CSMD1: variants seen among roughly 807,000 people sequenced by gnomAD.
CSMD1 encodes the protein CUB and sushi domain-containing protein 1.
Under a neutral mutation model 417.5 loss-of-function variants are expected in CSMD1, and 213 were observed. That is an observed-to-expected ratio of 0.51 (90% confidence interval 0.46 to 0.57). The LOEUF (loss-of-function observed/expected upper bound fraction) is 0.57, where lower values mean the gene tolerates loss of function less well. Ranked by LOEUF, CSMD1 falls within the 20% of genes least tolerant of loss-of-function variation. CSMD1 has a pLI of 0.00. For synonymous variants in CSMD1, 2,862 were observed against 1,736.8 expected (o/e 1.65, Z -16.11); for missense variants, 6,923 against 4,529.7 (o/e 1.53, Z -15.17).
chr8:4,397,879 A>T (rs1003967619), intron 3 of CSMD1, among the ~76,000 whole-genome samples: 2 of 152,170 alleles, frequency 1.3e-5, no homozygotes, highest in Admixed American at 6.5e-5. Flanking sequence ...ATTTTCTTCC[A>T]ATGTTCTAAT....
At chr8:4,980,060 T>A (rs1176568092) in intron 1 of CSMD1, among the ~76,000 whole-genome samples, 16 of 152,108 alleles carry the variant, frequency 1.1e-4, no homozygotes, top group South Asian at 8.3e-4. Context: ...ATAAATAAAT[T>A]AAATAGTTAA....
At chr8:4,505,512 AT>A (rs1802475130) in intron 2 of CSMD1, among the ~76,000 whole-genome samples, 1 of 152,156 alleles carries the variant, frequency 6.6e-6, no homozygotes, top group South Asian at 2.1e-4. Context: ...ATTTAATTTA[AT>A]TTTTCTGATT....
At chr8:4,846,490 T>G (rs537060423) in intron 1 of CSMD1, among the ~76,000 whole-genome samples, 1 of 152,322 alleles carries the variant, frequency 6.6e-6, no homozygotes, top group East Asian at 1.9e-4. Context: ...GTGACCAGCC[T>G]CCTGACAGCA....
intron 39 of CSMD1, among the ~76,000 whole-genome samples, chr8:3,152,534 G>C (rs1054446783): frequency 6.6e-6 from 1 of 152,082 alleles, no homozygotes; most frequent in Non-Finnish European, 1.5e-5. Flanking sequence ...TCATCATCAA[G>C]ACTGAAACAA....
intron 26 of CSMD1, among the ~76,000 whole-genome samples, 187 bp downstream of exon 26, chr8:3,283,957 C>T (rs1802940961): frequency 6.6e-6 from 1 of 152,250 alleles, no homozygotes; most frequent in African/African-American, 2.4e-5. Flanking sequence ...TTATCGTGGC[C>T]TCAGCCATGA....
intron 54 of CSMD1, among the ~76,000 whole-genome samples, chr8:2,994,273 T>C (rs1339780341): frequency 6.6e-6 from 1 of 151,872 alleles, no homozygotes; most frequent in Non-Finnish European, 1.5e-5. Flanking sequence ...GTGTACTGAT[T>C]GCTGATGGTC....
intron 41 of CSMD1, among the ~76,000 whole-genome samples, chr8:3,123,572 T>C (rs1301019771): frequency 6.6e-6 from 1 of 151,872 alleles, no homozygotes; most frequent in East Asian, 1.9e-4. Flanking sequence ...AAATGAGTCC[T>C]ACTGTACAGC....
At chr8:3,129,156 C>T (rs985065875) in intron 41 of CSMD1, among the ~76,000 whole-genome samples, 3 of 151,990 alleles carry the variant, frequency 2.0e-5, no homozygotes, top group Non-Finnish European at 2.9e-5. Context: ...TTCTCTCCTA[C>T]GTGGGAATGC....
At chr8:4,008,389 T>A (rs1816292883) in intron 4 of CSMD1, among the ~76,000 whole-genome samples, 1 of 151,734 alleles carries the variant, frequency 6.6e-6, no homozygotes, top group African/African-American at 2.4e-5. Flanking sequence ...TATCAAAGTT[T>A]TCAGACACTA....
At chr8:3,032,934 A>C (rs10109787) in intron 50 of CSMD1, among the ~76,000 whole-genome samples, 5,196 of 152,216 alleles carry the variant, frequency 0.034, 314 homozygotes, top group African/African-American at 0.12. Context: ...CAGTATATGA[A>C]ATGCAAATTA....
At chr8:3,300,299 A>G (rs1354888507) in intron 25 of CSMD1, among the ~76,000 whole-genome samples, 10 of 152,138 alleles carry the variant, frequency 6.6e-5, no homozygotes, top group Middle Eastern at 3.2e-3. Context: ...TTAAAAAGCT[A>G]TATCACCTTT....
intron 3 of CSMD1, among the ~76,000 whole-genome samples, chr8:4,308,604 G>C (rs370086998): frequency 7.9e-5 from 12 of 152,298 alleles, no homozygotes; most frequent in African/African-American, 2.4e-4. Context: ...ATAATGGAGA[G>C]AATTTGTTAA....
intron 3 of CSMD1, among the ~76,000 whole-genome samples, chr8:4,110,256 G>C (rs375473159): frequency 6.6e-6 from 1 of 152,088 alleles, no homozygotes; most frequent in Admixed American, 6.6e-5. Flanking sequence ...GCTTGGCAAC[G>C]AAACAAGTCA....
At chr8:3,985,042 C>T (rs956573168) in intron 5 of CSMD1, among the ~76,000 whole-genome samples, 2 of 151,990 alleles carry the variant, frequency 1.3e-5, no homozygotes, top group East Asian at 3.9e-4. Context: ...ATTTTGATTA[C>T]TGTGCTCATG....
At chr8:3,954,086 TGCA>T (rs1161315472) in intron 5 of CSMD1, among the ~76,000 whole-genome samples, 1 of 152,022 alleles carries the variant, frequency 6.6e-6, no homozygotes, top group Non-Finnish European at 1.5e-5. Context: ...AGGAAGCTCG[TGCA>T]GGGGCCTAGG....
chr8:4,935,569 A>G (rs1479894999), intron 1 of CSMD1, among the ~76,000 whole-genome samples: 1 of 152,210 alleles, frequency 6.6e-6, no homozygotes, highest in African/African-American at 2.4e-5. Context: ...TCTGAATTTC[A>G]ATATTTTCAG....
rs1335931317 is a variant in CSMD1 at position 3,367,825 on chromosome 8, GAATGTTTACAATGGGTTTCATTTAAA to G, written c.2900-604_2900-579del. ...ATGTATATTTAAGAAAAACAGGTGA[GAATGTTTACAATGGGTTTCATTTAAA>G]AATTGTCAGTAGACTCTTAGGGACA... On this transcript the variant is annotated intron_variant, in intron 19 of 69. Coordinates refer to ENST00000635120, the MANE Select transcript of CSMD1 (RefSeq NM_033225.6). Among the ~76,000 whole-genome samples, 20 of 152,122 alleles carry G rather than the reference GAATGTTTACAATGGGTTTCATTTAAA, an allele frequency of 1.3e-4. 1 individual carries two copies. Among genetic ancestry groups the G allele is most frequent in the Admixed American group, 1.3e-3 (20 of 15,276 alleles).
At chr8:3,390,796 T>A (rs1168043602) in intron 17 of CSMD1, among the ~76,000 whole-genome samples, 1 of 152,184 alleles carries the variant, frequency 6.6e-6, no homozygotes, top group African/African-American at 2.4e-5. Flanking sequence ...GGGTTCTGTA[T>A]GAATCAACAG....
intron 4 of CSMD1, among the ~76,000 whole-genome samples, chr8:4,004,396 T>A (rs1051386771): frequency 6.6e-6 from 1 of 151,172 alleles, no homozygotes; most frequent in South Asian, 2.1e-4. Flanking sequence ...TTGTTTTTGT[T>A]TTAAAATAAA....
Sources: allele counts gnomAD v4.1 joint callset (sites outside exome capture counted in the v4.1 genomes callset), GRCh38; gene constraint gnomAD v4.1.1; transcripts MANE v1.5; gene names NCBI Gene and HGNC (gene_info 2026-07-23, HGNC 2026-07-21).